The following RTTN variants were observed in gnomAD, a reference collection of about 807,000 sequenced individuals.
RTTN encodes rotatin.
A neutral mutation model predicts 269.2 loss-of-function variants in RTTN; 182 were observed. The ratio of observed to expected loss-of-function variants is 0.68; its 90% CI spans 0.60 to 0.76. The LOEUF (loss-of-function observed/expected upper bound fraction) is 0.76. Among genes scored for constraint, RTTN ranks in the 30% least tolerant of loss-of-function variants. The pLI is 0.00. For missense variants in RTTN, 2,545 were observed against 2,608.6 expected, an observed-to-expected ratio of 0.98 and a Z score of 0.53; for synonymous variants, 1,006 against 963.5, an observed-to-expected ratio of 1.04 and a Z score of -0.82.
At chr18:70,039,944 C>G (rs1371378793) in intron 40 of RTTN, among the ~76,000 whole-genome samples, 1 of 152,092 alleles carries the variant, frequency 6.6e-6, no homozygotes, top group Non-Finnish European at 1.5e-5. Context: ...CAAGCCTCAT[C>G]ATGGTAACCT....
intron 41 of RTTN, 107 bp from the exon 42 acceptor site, chr18:70,030,216 C>T (rs1440025212): frequency 1.4e-6 from 1 of 707,410 alleles, no homozygotes; most frequent in Non-Finnish European, 2.3e-6. Context: ...CTATTTCTGA[C>T]CCACTTCATT....
chr18:70,148,856 T>C (rs1331658105), intron 17 of RTTN, 45 bp downstream of exon 17: 1 of 1,607,152 alleles, frequency 6.2e-7, no homozygotes, highest in East Asian at 2.2e-5. Context: ...TTTCTTAGCA[T>C]GTTTCCATCA....
intron 14 of RTTN, among the ~76,000 whole-genome samples, chr18:70,158,249 C>T (rs1416318510): frequency 1.3e-5 from 2 of 152,166 alleles, no homozygotes; most frequent in East Asian, 1.9e-4. Flanking sequence ...TAACAGCAGA[C>T]CTTTCAGCAG....
intron 28 of RTTN, among the ~76,000 whole-genome samples, chr18:70,106,580 T>C (rs2059326596): frequency 6.6e-6 from 1 of 152,140 alleles, no homozygotes; most frequent in African/African-American, 2.4e-5. Context: ...GCAGTCTTTT[T>C]AAAGTGCATT....
At chr18:70,095,881 A>G (rs1335727087) in intron 28 of RTTN, among the ~76,000 whole-genome samples, 2 of 152,084 alleles carry the variant, frequency 1.3e-5, no homozygotes, top group Non-Finnish European at 2.9e-5. Context: ...TAATATCCTG[A>G]AGAGTTTTTT....
chr18:70,017,141 G>A (rs1454457789), intron 46 of RTTN, among the ~76,000 whole-genome samples: 1 of 152,078 alleles, frequency 6.6e-6, no homozygotes, highest in Non-Finnish European at 1.5e-5. Context: ...AGAAGGTAAG[G>A]CCAGGGAGCC....
At chr18:70,064,037 T>C (rs2058064662) in intron 35 of RTTN, among the ~76,000 whole-genome samples, 1 of 146,986 alleles carries the variant, frequency 6.8e-6, no homozygotes, top group African/African-American at 2.5e-5. Flanking sequence ...TAAATATACA[T>C]TGAAAGCATA....
intron 28 of RTTN, among the ~76,000 whole-genome samples, chr18:70,104,464 T>C (rs1439177093): frequency 1.3e-5 from 2 of 152,162 alleles, no homozygotes; most frequent in African/African-American, 2.4e-5. Flanking sequence ...AAGTTTGTTA[T>C]TACCAATCTT....
At chr18:70,133,820 AC>A (rs1320449315) in intron 23 of RTTN, among the ~76,000 whole-genome samples, 4 of 152,122 alleles carry the variant, frequency 2.6e-5, no homozygotes, top group African/African-American at 7.2e-5. Context: ...CAAGGGCTGT[AC>A]CCTTATGACT....
chr18:70,033,111 C>T (rs1040689628), intron 40 of RTTN, among the ~76,000 whole-genome samples: 12 of 152,302 alleles, frequency 7.9e-5, no homozygotes, highest in Admixed American at 1.3e-4. Context: ...ACAGAGTTCT[C>T]GTGAGATCTG....
intron 20 of RTTN, 82 bp downstream of exon 20, chr18:70,140,018 T>C: frequency 1.1e-6 from 1 of 942,058 alleles, no homozygotes; most frequent in Non-Finnish European, 1.7e-6. Context: ...CAAGTACTCA[T>C]CCAAATTCTG....
Position 70,059,873 on chromosome 18 carries a change from A to G in RTTN, c.4917T>C (p.Ala1639=), listed in dbSNP as rs1274601185. 6.2e-7 allele frequency: 1 copy of G among 1,609,742 alleles called. No individual in the cohort carries two copies. Among genetic ancestry groups the G allele is most frequent in the Non-Finnish European group, 8.5e-7 (1 of 1,177,712 alleles). ...PRDTAKAFRQ[A]HLIELLCSIA... is the part of the protein sequence containing the mutation. ...ACCTACAGAGAAGTTCTATGAGATGAGCTTGTCGAAAAGCCTTTGCAGTGT... is the reference window on the plus strand; with the variant it reads ...ACCTACAGAGAAGTTCTATGAGATGGGCTTGTCGAAAAGCCTTTGCAGTGT... Residue 1639 remains alanine, a synonymous_variant, in exon 36 of 49, where the codon GCT becomes GCC. Transcript: ENST00000640769.
chr18:70,050,028 A>T (rs1033915414), intron 39 of RTTN, among the ~76,000 whole-genome samples: 2 of 152,186 alleles, frequency 1.3e-5, no homozygotes, highest in Non-Finnish European at 2.9e-5. Flanking sequence ...TTGTTTTATA[A>T]TCATATCATA....
rs550893238 is a variant in RTTN, at chr18:70,135,644, G to A, written c.2789-364C>T. 5.9e-5 allele frequency among the ~76,000 whole-genome samples: 9 copies of A among 152,252 alleles called. No individual in the cohort carries two copies. In the East Asian group the frequency reaches 7.7e-4, roughly 13 times the overall value. On this transcript the variant is annotated intron_variant, in intron 21 of 48. Coordinates refer to ENST00000640769, the MANE Select transcript of RTTN (RefSeq NM_173630.4). ...ATACAGCCTCTAAGAAGGTTATGCC[G>A]AGTCAGATAATTCTAGCTAAAGTTT...
intron 12 of RTTN, among the ~76,000 whole-genome samples, chr18:70,167,593 C>T (rs1234939549): frequency 1.3e-5 from 2 of 151,582 alleles, no homozygotes; most frequent in East Asian, 2.0e-4. Context: ...TGTGGTGGCA[C>T]GAGCCTGTAA....
At chr18:70,048,999 G>C (rs2057576402) in intron 39 of RTTN, among the ~76,000 whole-genome samples, 1 of 152,086 alleles carries the variant, frequency 6.6e-6, no homozygotes, top group Admixed American at 6.5e-5. Context: ...ACATAAAACT[G>C]TACACATATT....
intron 26 of RTTN, among the ~76,000 whole-genome samples, chr18:70,119,187 G>C (rs969180950): frequency 6.6e-6 from 1 of 151,794 alleles, no homozygotes; most frequent in African/African-American, 2.4e-5. Flanking sequence ...GAAAAACCTA[G>C]ACTCCACCAA....
chr18:70,181,279 A>G (rs866972969), intron 10 of RTTN, among the ~76,000 whole-genome samples: 7 of 152,326 alleles, frequency 4.6e-5, no homozygotes, highest in South Asian at 2.1e-4. Flanking sequence ...GGAATGACAC[A>G]GAAGAAATGC....
intron 18 of RTTN, among the ~76,000 whole-genome samples, chr18:70,144,727 A>C (rs4891815): frequency 0.99 from 151,403 of 152,300 alleles, 75,258 homozygotes; most frequent in East Asian, 1. Context: ...CACTGTCATA[A>C]AGCCCTGAAC....
Sources: gnomAD v4.1 joint callset for allele counts (sites outside exome capture counted in the v4.1 genomes callset) on GRCh38, gnomAD v4.1.1 for gene constraint, MANE v1.5 for transcripts, NCBI Gene and HGNC (gene_info 2026-07-23, HGNC 2026-07-21) for gene names.